DNM3: variants seen among roughly 807,000 people sequenced by gnomAD.
The protein encoded by DNM3 is dynamin-3.
Under a neutral mutation model 101.6 loss-of-function variants are expected in DNM3, and 47 were observed. The ratio of observed to expected loss-of-function variants is 0.46; its 90% CI spans 0.37 to 0.59. The LOEUF is 0.59. DNM3 is among the 20% of genes least tolerant of loss of function. The pLI is 0.00. For synonymous variants in DNM3, 385 were observed against 387.9 expected (o/e 0.99, Z 0.09); for missense variants, 849 against 1,085.7 (o/e 0.78, Z 3.06).
chr1:171,932,260 A>G (rs1011053447), intron 2 of DNM3, among the ~76,000 whole-genome samples: 14 of 150,704 alleles, frequency 9.3e-5, no homozygotes, highest in African/African-American at 3.4e-4. Flanking sequence ...TGCTGCCTCC[A>G]CCTCCCAAAT....
At chr1:171,930,782 T>C (rs1407166555) in intron 2 of DNM3, among the ~76,000 whole-genome samples, 1 of 152,236 alleles carries the variant, frequency 6.6e-6, no homozygotes, top group Non-Finnish European at 1.5e-5. Flanking sequence ...TTGAGCGTGC[T>C]GTATTTACTT....
chr1:171,882,850 A>G (rs2036407962), intron 1 of DNM3, among the ~76,000 whole-genome samples: 1 of 152,040 alleles, frequency 6.6e-6, no homozygotes, highest in Non-Finnish European at 1.5e-5. Flanking sequence ...GGAAATATAT[A>G]AGGAAGAAAA....
intron 1 of DNM3, among the ~76,000 whole-genome samples, chr1:171,905,584 A>G (rs1215660732): frequency 6.6e-6 from 1 of 152,112 alleles, no homozygotes; most frequent in African/African-American, 2.4e-5. Context: ...CTTTTTCGGT[A>G]TATGTGGTGG....
chr1:171,981,856 T>A (rs1348879087), intron 2 of DNM3, among the ~76,000 whole-genome samples: 1 of 152,234 alleles, frequency 6.6e-6, no homozygotes, highest in Non-Finnish European at 1.5e-5. Context: ...CAGGTTATAC[T>A]GCGACAAAAT....
At chr1:172,259,547 T>A (rs914415605) in intron 15 of DNM3, among the ~76,000 whole-genome samples, 31 of 152,136 alleles carry the variant, frequency 2.0e-4, no homozygotes, top group African/African-American at 6.5e-4. Context: ...GTTTTATCTG[T>A]TGTAAGTATA....
intron 14 of DNM3, among the ~76,000 whole-genome samples, chr1:172,211,738 A>T (rs1419033476): frequency 1.3e-5 from 2 of 152,184 alleles, no homozygotes; most frequent in Non-Finnish European, 2.9e-5. Flanking sequence ...TGAAGACTAC[A>T]CATACAAAAT....
chr1:171,877,933 T>C (rs944401693), intron 1 of DNM3, among the ~76,000 whole-genome samples: 3 of 152,208 alleles, frequency 2.0e-5, no homozygotes, highest in Non-Finnish European at 4.4e-5. Context: ...TGGGTGTTCC[T>C]TTGTGAAGAT....
chr1:172,341,769 A>G (rs2066697014), intron 17 of DNM3, among the ~76,000 whole-genome samples: 2 of 151,674 alleles, frequency 1.3e-5, no homozygotes, highest in South Asian at 2.1e-4. Flanking sequence ...ATCTATAAGT[A>G]TAAAAACCCT....
intron 1 of DNM3, among the ~76,000 whole-genome samples, chr1:171,869,209 T>C (rs2035048853): frequency 2.0e-5 from 3 of 152,214 alleles, no homozygotes; most frequent in South Asian, 4.1e-4. Context: ...TGCTTTTGGA[T>C]ACAAATAATT....
chr1:171,911,273 CT>C (rs151321245), intron 1 of DNM3, among the ~76,000 whole-genome samples: 9,070 of 90,424 alleles, frequency 0.1, 188 homozygotes, highest in South Asian at 0.21. Context: ...ACCCCAACAT[CT>C]TTTTTTTTTT....
intron 17 of DNM3, 59 bp downstream of exon 17, chr1:172,323,399 A>T: frequency 6.4e-7 from 1 of 1,567,036 alleles, no homozygotes; most frequent in Non-Finnish European, 8.7e-7. Context: ...CCGCTCCTGC[A>T]TGTCTTGACA....
At chr1:172,173,372 G>T (rs2059034931) in intron 14 of DNM3, among the ~76,000 whole-genome samples, 1 of 151,620 alleles carries the variant, frequency 6.6e-6, no homozygotes, top group Admixed American at 6.6e-5. Flanking sequence ...GATGCAGGGG[G>T]TGGGGATGTT....
chr1:171,935,769 C>CTT lies in DNM3; in HGVS notation c.235+13974_235+13975dup, dbSNP rs551030808. ...AATTGGCAAATACTACAAATCAAAA[C>CTT]TTTTTTTTTTTTTTTTTTTTTTTTT... On this transcript the variant is annotated intron_variant, in intron 2 of 20. Transcript: ENST00000627582. Among the ~76,000 whole-genome samples the CTT allele has an allele frequency of 7.2e-3, 344 of 48,022 alleles. 93 individuals are homozygous for CTT. The highest frequency in any genetic ancestry group is 0.017 in the South Asian group (16 of 956). The allele number at this position is 48,022 out of a possible 152,430, so 31.5% of individuals were successfully genotyped here.
chr1:172,298,710 G>A lies in DNM3; in HGVS notation c.1770-10018G>A, dbSNP rs543348566. Among the ~76,000 whole-genome samples the A allele has an allele frequency of 2.0e-5, 3 of 151,970 alleles. No individual in the cohort carries two copies. In the South Asian group the frequency reaches 6.2e-4, roughly 32 times the overall value. The stretch of plus-strand genomic sequence containing the variant: ...CATCATCTTCCCGGAATCCCCAGGG[G>A]ATATAATGTTGAACATAAAAATGAT... On this transcript the variant is annotated intron_variant, in intron 15 of 20. Transcript: ENST00000627582.
At chr1:172,022,571 T>C (rs547737228) in intron 4 of DNM3, among the ~76,000 whole-genome samples, 57 of 152,214 alleles carry the variant, frequency 3.7e-4, no homozygotes, top group African/African-American at 1.3e-3. Flanking sequence ...TATAAATATA[T>C]ATAGCTTTCT....
In DNM3 at chr1:172,410,820, A is replaced by G. The variant is rs2071162910; in HGVS notation, c.*2979A>G. On this transcript the variant is annotated 3_prime_UTR_variant, in exon 21 of 21. Coordinates refer to ENST00000627582, the MANE Select transcript of DNM3 (RefSeq NM_015569.5). The stretch of plus-strand genomic sequence containing the variant: ...ACTTAGACTTAAAAAGTGGTCACAT[A>G]GATTAATTTTGTGACTTTTTAGTAT... 1.0e-6 allele frequency: 1 copy of G among 985,198 alleles called. No individual in the cohort carries two copies. The highest frequency in any genetic ancestry group is 4.7e-5 in the South Asian group (1 of 21,294). 61.0% of individuals were successfully genotyped at this position (985,198 alleles called of 1,614,324 possible).
intron 2 of DNM3, among the ~76,000 whole-genome samples, chr1:171,943,115 AAAAAT>A (rs2041927718): frequency 6.6e-6 from 1 of 152,074 alleles, no homozygotes; most frequent in Admixed American, 6.6e-5. Context: ...TGTCTCAAAA[AAAAAT>A]AAAAATAAAA....
chr1:172,247,656 CTTATTTATTTATTTAT>C (rs1553207716), intron 14 of DNM3, among the ~76,000 whole-genome samples: 2 of 135,330 alleles, frequency 1.5e-5, no homozygotes, highest in Admixed American at 7.3e-5. Context: ...ATTATTATTT[CTTATTTATTTATTTAT>C]TTATTTATTT....
chr1:172,411,951 T>C lies in DNM3; in HGVS notation c.*4110T>C, dbSNP rs2071233537. 3.0e-6 allele frequency: 3 copies of C among 985,820 alleles called. No individual in the cohort carries two copies. The highest frequency in any genetic ancestry group is 3.6e-6 in the Non-Finnish European group (3 of 829,868). 61.1% of individuals were successfully genotyped at this position (985,820 alleles called of 1,614,324 possible). On this transcript the variant is annotated 3_prime_UTR_variant, in exon 21 of 21. Transcript: ENST00000627582. The stretch of plus-strand genomic sequence containing the variant: ...GTCTTCTAGATACTCTTACTCATCC[T>C]GTCTGGTTGCTATGTTTAAAATTAT...
Sources: gnomAD v4.1 joint callset for allele counts (sites outside exome capture counted in the v4.1 genomes callset) on GRCh38, gnomAD v4.1.1 for gene constraint, MANE v1.5 for transcripts, NCBI Gene and HGNC (gene_info 2026-07-23, HGNC 2026-07-21) for gene names.